Variants in FREM1 observed in about 807,000 individuals in gnomAD.
FREM1 encodes FRAS1-related extracellular matrix protein 1.
FREM1 carries 220 observed loss-of-function variants against 210.1 expected under a neutral mutation model. The ratio of observed to expected loss-of-function variants is 1.05; its 90% CI spans 0.94 to 1.17. The LOEUF (loss-of-function observed/expected upper bound fraction) is 1.17, where lower values mean the gene tolerates loss of function less well. Ranked by LOEUF, FREM1 falls within the 50% of genes most tolerant of loss-of-function variation. FREM1 has a pLI of 0.00. For missense variants in FREM1, 3,454 were observed against 2,675.5 expected, an observed-to-expected ratio of 1.29 and a Z score of -6.42; for synonymous variants, 1,189 against 980.2, an observed-to-expected ratio of 1.21 and a Z score of -3.98.
chr9:14,909,857 C>A (rs1435142551), intron 1 of FREM1, 57 bp downstream of exon 1: 1 of 152,168 alleles, frequency 6.6e-6, no homozygotes, highest in African/African-American at 2.4e-5. Context: ...CTGGGGCATT[C>A]TGCTAACAGA....
chr9:14,792,303 C>CAGAG lies in FREM1; in HGVS notation c.3981+436_3981+439dup, dbSNP rs150406422. 3.5e-3 allele frequency among the ~76,000 whole-genome samples: 480 copies of CAGAG among 137,760 alleles called. 4 individuals are homozygous for CAGAG. Among genetic ancestry groups the CAGAG allele is most frequent in the African/African-American group, 0.011 (442 of 38,570 alleles). The allele number at this position is 137,760 out of a possible 152,430, so 90.4% of individuals were successfully genotyped here. On this transcript the variant is annotated intron_variant, in intron 22 of 36. Coordinates refer to ENST00000380880, the MANE Select transcript of FREM1 (RefSeq NM_001379081.2). ...ACACACACACACACACACACACACACAGAGAGAGAGAGAGATTGAGAGAAC... is the reference window on the plus strand; with the variant it reads ...ACACACACACACACACACACACACACAGAGAGAGAGAGAGAGAGATTGAGAGAAC...
rs141613311 is a variant in FREM1, at chr9:14,738,483, A to T, written c.6341-888T>A. Among the ~76,000 whole-genome samples, 6 of 152,328 alleles carry T rather than the reference A, an allele frequency of 3.9e-5. No individual in the cohort carries two copies. The South Asian group carries it at 6.2e-4, about 16-fold the overall frequency. On this transcript the variant is annotated intron_variant, in intron 36 of 36. Transcript: ENST00000380880. Reference sequence around the variant, plus strand: ...TGACATTCTGCCTAAGCATATTGTGAGGACAGAGCCTTGCAGTGAGTCATT... The same window carrying T: ...TGACATTCTGCCTAAGCATATTGTGTGGACAGAGCCTTGCAGTGAGTCATT...
chr9:14,827,716 C>T lies in FREM1; in HGVS notation c.1882-2724G>A, dbSNP rs142150660. 4.6e-5 allele frequency among the ~76,000 whole-genome samples: 7 copies of T among 152,324 alleles called. No individual in the cohort carries two copies. In the East Asian group the frequency reaches 1.3e-3, roughly 29 times the overall value. On this transcript the variant is annotated intron_variant, in intron 10 of 36. Transcript: ENST00000380880. ...CCCTGAAGGTATTTTAGACATCAGG[C>T]CACCATTCCCATCACAGGTTCAGAA...
intron 35 of FREM1, 86 bp from the exon 36 acceptor site, chr9:14,740,320 T>TTTAATTTTACTTTTA: frequency 1.0e-6 from 1 of 985,406 alleles, no homozygotes. Context: ...TAAAAGTAAG[T>TTTAATTTTACTTTTA]TTAAAATACA....
intron 1 of FREM1, among the ~76,000 whole-genome samples, chr9:14,894,995 T>A (rs1837455429): frequency 6.6e-6 from 1 of 152,186 alleles, no homozygotes; most frequent in Non-Finnish European, 1.5e-5. Context: ...TCTACACAGT[T>A]TCTGTACAGG....
chr9:14,826,543 T>C lies in FREM1; in HGVS notation c.1882-1551A>G, dbSNP rs984869715. Among the ~76,000 whole-genome samples the C allele has an allele frequency of 2.0e-5, 3 of 152,238 alleles. No homozygotes were observed. The South Asian group carries it at 6.2e-4, about 32-fold the overall frequency. On this transcript the variant is annotated intron_variant, in intron 10 of 36. Transcript: ENST00000380880. ...AGTCTTTCTCACCCTTAACGGCTCTTCTTAGACCTTTCTCCAATTTTTCAG... is the reference window on the plus strand; with the variant it reads ...AGTCTTTCTCACCCTTAACGGCTCTCCTTAGACCTTTCTCCAATTTTTCAG...
intron 36 of FREM1, among the ~76,000 whole-genome samples, chr9:14,738,306 T>A (rs918222157): frequency 9.2e-5 from 14 of 152,338 alleles, no homozygotes; most frequent in African/African-American, 3.4e-4. Flanking sequence ...TGCCATAGCA[T>A]GATCCGACAT....
At chr9:14,805,552 A>C (rs1349013347) in intron 18 of FREM1, among the ~76,000 whole-genome samples, 4 of 152,216 alleles carry the variant, frequency 2.6e-5, no homozygotes, top group African/African-American at 9.6e-5. Flanking sequence ...ACAAGAGTCA[A>C]TCAATCATCT....
chr9:14,831,051 C>T (rs1174689060), intron 10 of FREM1, among the ~76,000 whole-genome samples: 1 of 152,168 alleles, frequency 6.6e-6, no homozygotes, highest in Non-Finnish European at 1.5e-5. Flanking sequence ...CCCCCATTAC[C>T]CACAGGTATT....
chr9:14,844,593 A>C (rs148049514), intron 8 of FREM1, among the ~76,000 whole-genome samples: 1 of 152,222 alleles, frequency 6.6e-6, no homozygotes, highest in South Asian at 2.1e-4. Flanking sequence ...TGTGTTAAAG[A>C]CCTTAGAGGA....
At chr9:14,849,927 G>T (rs562988852) in intron 6 of FREM1, among the ~76,000 whole-genome samples, 1 of 152,152 alleles carries the variant, frequency 6.6e-6, no homozygotes, top group Non-Finnish European at 1.5e-5. Context: ...GGCATGGGGG[G>T]CCACAGACTA....
chr9:14,846,552 G>T lies in FREM1; in HGVS notation c.1262-461C>A, dbSNP rs976425192. Among the ~76,000 whole-genome samples, 5 of 152,064 alleles carry T rather than the reference G, an allele frequency of 3.3e-5. No individual in the cohort carries two copies. In the East Asian group the frequency reaches 9.6e-4, roughly 29 times the overall value. On this transcript the variant is annotated intron_variant, in intron 7 of 36. Coordinates refer to ENST00000380880, the MANE Select transcript of FREM1 (RefSeq NM_001379081.2). ...AAAAAAAGATAAGAAAAGGGTATTG[G>T]CAAGTTCTATGACATGCCAACGTGC...
chr9:14,851,345 C>G lies in FREM1; in HGVS notation c.1091G>C (p.Ser364Thr), dbSNP rs1390597567. ...TGGCTGATAGGCGATCTGCATGTCA[C>G]TGAGATCTTTCCAGGTGAATGAGGA... is the stretch of plus-strand genomic sequence containing the variant. Reference protein sequence around the residue: ...PISSFTWKDLSDMQIAYQPPN... With the variant: ...PISSFTWKDLTDMQIAYQPPN... Residue 364 changes from serine to threonine, a missense_variant, in exon 6 of 37, where the codon AGT becomes ACT. Transcript: ENST00000380880. 4 of 1,612,370 alleles carry G rather than the reference C, an allele frequency of 2.5e-6. No homozygotes were observed. Among genetic ancestry groups the G allele is most frequent in the Non-Finnish European group, 3.4e-6 (4 of 1,178,798 alleles).
intron 1 of FREM1, among the ~76,000 whole-genome samples, chr9:14,872,596 C>T (rs1363744756): frequency 6.6e-6 from 1 of 152,020 alleles, no homozygotes; most frequent in African/African-American, 2.4e-5. Flanking sequence ...TCTAGATATA[C>T]AATCATGTCA....
At chr9:14,740,857 T>C (rs946038149) in intron 35 of FREM1, among the ~76,000 whole-genome samples, 9 of 152,186 alleles carry the variant, frequency 5.9e-5, no homozygotes, top group African/African-American at 1.9e-4. Flanking sequence ...TAAATTATTT[T>C]TGCAGCTAAC....
chr9:14,871,346 T>A (rs1379891590), intron 1 of FREM1, among the ~76,000 whole-genome samples: 1 of 152,220 alleles, frequency 6.6e-6, no homozygotes, highest in South Asian at 2.1e-4. Flanking sequence ...TGATTGCCAT[T>A]CTAACTGGTG....
At chr9:14,775,420 T>C (rs1217181213) in intron 25 of FREM1, among the ~76,000 whole-genome samples, 1 of 152,060 alleles carries the variant, frequency 6.6e-6, no homozygotes, top group African/African-American at 2.4e-5. Context: ...AAAAAATAGT[T>C]CTTGGCCAGG....
rs1390701599 is a variant in FREM1, at chr9:14,775,795, G to A, written c.4851C>T (p.Thr1617=). 8 of 1,606,966 alleles carry A rather than the reference G, an allele frequency of 5.0e-6. No individual in the cohort carries two copies. The highest frequency in any genetic ancestry group is 6.8e-6 in the Non-Finnish European group (8 of 1,174,880). ...GRVWEEPVLF[T]IQVDQLDKTA... Reference sequence around the variant, plus strand: ...CTGTGTTTTTCATACTTGCCTGAATGGTGAATAAAACAGGTTCTTCCCACA... The same window carrying A: ...CTGTGTTTTTCATACTTGCCTGAATAGTGAATAAAACAGGTTCTTCCCACA... Residue 1617 remains threonine, a synonymous_variant, in exon 25 of 37, where the codon ACC becomes ACT. Coordinates refer to ENST00000380880, the MANE Select transcript of FREM1 (RefSeq NM_001379081.2).
At chr9:14,861,348 T>TATATGTAC (rs1564108838) in intron 3 of FREM1, among the ~76,000 whole-genome samples, 5 of 107,802 alleles carry the variant, frequency 4.6e-5, no homozygotes, top group African/African-American at 2.7e-4. Context: ...CACATATATA[T>TATATGTAC]ACATATATAC....
Sources: gnomAD v4.1 joint callset for allele counts (sites outside exome capture counted in the v4.1 genomes callset) on GRCh38, gnomAD v4.1.1 for gene constraint, MANE v1.5 for transcripts, NCBI Gene and HGNC (gene_info 2026-07-23, HGNC 2026-07-21) for gene names.